NAMPT: variants seen among roughly 807,000 people sequenced by gnomAD.
NAMPT encodes the protein NAmPRTase.
In NAMPT, 7 loss-of-function variants were observed where a neutral mutation model predicts 58.7. That is an observed-to-expected ratio of 0.12 (90% CI 0.07 to 0.22). The LOEUF (loss-of-function observed/expected upper bound fraction) is 0.22. NAMPT is among the 10% of genes least tolerant of loss of function. NAMPT has a pLI of 1.00. For synonymous variants in NAMPT, 145 were observed against 198.1 expected, an observed-to-expected ratio of 0.73 and a Z score of 2.25; for missense variants, 271 against 567.9, an observed-to-expected ratio of 0.48 and a Z score of 5.31.
At chr7:106,274,892 G>T (rs1792604044) in intron 3 of NAMPT, 54 bp downstream of exon 3, 5 of 1,168,132 alleles carry the variant, frequency 4.3e-6, no homozygotes, top group Admixed American at 2.1e-5. Context: ...TTTGCAAGAA[G>T]TTTTGAACTG....
upstream of NAMPT, chr7:106,285,025 G>C (rs946641150): frequency 3.8e-4 from 544 of 1,432,750 alleles, no homozygotes; most frequent in Admixed American, 1.8e-3. Flanking sequence ...AACGGAGAGA[G>C]GGGAGGGGTC....
intron 1 of NAMPT, among the ~76,000 whole-genome samples, chr7:106,280,194 T>A (rs1003120974): frequency 6.6e-6 from 1 of 152,140 alleles, no homozygotes; most frequent in African/African-American, 2.4e-5. Flanking sequence ...TTAGGTTAGA[T>A]GGGAGAATTT....
In NAMPT at chr7:106,251,107, A is replaced by G; in HGVS notation, c.1452T>C (p.Ile484=). 2 of 1,585,988 alleles carry G rather than the reference A, an allele frequency of 1.3e-6. No individual in the cohort carries two copies. Among genetic ancestry groups the G allele is most frequent in the Non-Finnish European group, 8.7e-7 (1 of 1,154,770 alleles). The change falls in exon 11 of 11, where the codon ATT becomes ATC. Residue 484 remains isoleucine, a synonymous_variant. Coordinates refer to ENST00000222553, the MANE Select transcript of NAMPT (RefSeq NM_005746.3). ...CCTAATGATGTGCTGCTTCCAGTTC[A>G]ATATTCAGCTGTGCATTTTTTCTTA... ...DEIRKNAQLN[I]ELEAAHH
At chr7:106,270,174 T>C in intron 4 of NAMPT, 2 of 227,764 alleles carry the variant, frequency 8.8e-6, no homozygotes. Context: ...CAGAAAAGTC[T>C]GTCTAATCAC....
At position 106,253,001 on chromosome 7, in the gene NAMPT, C is replaced by T. The variant is rs752885124; in HGVS notation, c.1365+16G>A. ...CCTACTATTGCTTAAAAAAACCAATCAGCATAGATACATACCTGACCATAT... is the reference window on the plus strand; with the variant it reads ...CCTACTATTGCTTAAAAAAACCAATTAGCATAGATACATACCTGACCATAT... On this transcript the variant is annotated intron_variant, in intron 10 of 10. Coordinates refer to ENST00000222553, the MANE Select transcript of NAMPT (RefSeq NM_005746.3). The T allele has an allele frequency of 6.2e-7, 1 of 1,604,392 alleles. No individual in the cohort carries two copies. The highest frequency in any genetic ancestry group is 8.5e-7 in the Non-Finnish European group (1 of 1,176,224).
At chr7:106,262,213 A>T (rs1452892141) in intron 7 of NAMPT, among the ~76,000 whole-genome samples, 1 of 152,096 alleles carries the variant, frequency 6.6e-6, no homozygotes, top group Non-Finnish European at 1.5e-5. Flanking sequence ...ATAGTCTCTA[A>T]GTTCTCCTTT....
At chr7:106,285,118 C>T, upstream of NAMPT, 1 of 1,327,218 alleles carries the variant, frequency 7.5e-7, no homozygotes, top group Non-Finnish European at 9.7e-7. Context: ...GGAGCTCTGG[C>T]GGACTCCCCA....
chr7:106,275,181 C>T (rs2115810126), intron 2 of NAMPT, 132 bp from the exon 3 acceptor site: 1 of 531,498 alleles, frequency 1.9e-6, no homozygotes, highest in South Asian at 2.9e-5. Context: ...AGGTTAAATG[C>T]TCACCCAGAG....
chr7:106,261,823 T>A, intron 7 of NAMPT, 116 bp from the exon 8 acceptor site: 2 of 1,114,816 alleles, frequency 1.8e-6, no homozygotes, highest in Non-Finnish European at 1.3e-6. Flanking sequence ...TTAACTACTT[T>A]AAAAATTTTA....
At chr7:106,280,658 CT>C (rs1792743812) in intron 1 of NAMPT, among the ~76,000 whole-genome samples, 1 of 152,066 alleles carries the variant, frequency 6.6e-6, no homozygotes. Context: ...TGGTAAAGAA[CT>C]GGCCGGGCAC....
intron 1 of NAMPT, among the ~76,000 whole-genome samples, chr7:106,279,429 G>T (rs1190790469): frequency 1.3e-5 from 2 of 151,686 alleles, no homozygotes; most frequent in African/African-American, 4.8e-5. Flanking sequence ...CTACTTATAG[G>T]GGTATATGTA....
chr7:106,265,378 T>C (rs765708361), intron 6 of NAMPT, among the ~76,000 whole-genome samples: 1 of 152,090 alleles, frequency 6.6e-6, no homozygotes, highest in Admixed American at 6.6e-5. Context: ...TGATGCTTTC[T>C]TTCTCTTGAC....
At chr7:106,276,883 CATACTT>C in intron 2 of NAMPT, 134 bp downstream of exon 2, 1 of 667,866 alleles carries the variant, frequency 1.5e-6, no homozygotes, top group South Asian at 2.2e-5. Context: ...AAACTTTTCT[CATACTT>C]AGAACATCAA....
intron 7 of NAMPT, 100 bp from the exon 8 acceptor site, chr7:106,261,807 TA>T: frequency 7.6e-7 from 1 of 1,310,268 alleles, no homozygotes; most frequent in Non-Finnish European, 1.1e-6. Context: ...ATCGAGAATA[TA>T]AAAATTAACT....
intron 1 of NAMPT, among the ~76,000 whole-genome samples, chr7:106,280,724 G>A (rs1381145788): frequency 1.3e-5 from 2 of 152,020 alleles, no homozygotes; most frequent in Non-Finnish European, 1.5e-5. Context: ...GGTGGATCAC[G>A]AGGTCGGGAG....
intron 2 of NAMPT, 162 bp from the exon 3 acceptor site, chr7:106,275,211 A>G: frequency 2.3e-6 from 1 of 435,400 alleles, no homozygotes; most frequent in Non-Finnish European, 4.1e-6. Context: ...GAGTCAGAAA[A>G]GGAATTTGTA....
intron 3 of NAMPT, 21 bp from the exon 4 acceptor site, chr7:106,272,679 A>C (rs1344757029): frequency 4.3e-6 from 7 of 1,610,632 alleles, no homozygotes; most frequent in Non-Finnish European, 5.9e-6. Flanking sequence ...AAAATGATAA[A>C]TTTATTTATT....
intron 3 of NAMPT, among the ~76,000 whole-genome samples, chr7:106,273,756 G>T (rs2115804531): frequency 6.6e-6 from 1 of 152,250 alleles, no homozygotes; most frequent in African/African-American, 2.4e-5. Flanking sequence ...GCAAGTACAG[G>T]TGATAGCTCA....
chr7:106,283,279 A>G (rs552385430), intron 1 of NAMPT, among the ~76,000 whole-genome samples: 5 of 152,318 alleles, frequency 3.3e-5, no homozygotes, highest in South Asian at 4.1e-4. Context: ...AACCTTTAAG[A>G]TAATTCACTA....
Sources: gnomAD v4.1 joint callset for allele counts (sites outside exome capture counted in the v4.1 genomes callset) on GRCh38, gnomAD v4.1.1 for gene constraint, MANE v1.5 for transcripts, NCBI Gene and HGNC (gene_info 2026-07-23, HGNC 2026-07-21) for gene names.